Variants in GRID2IP observed in about 807,000 individuals in gnomAD.
The protein encoded by GRID2IP is Grid2 interacting protein, also known as delphilin.
GRID2IP carries 78 observed loss-of-function variants against 114.3 expected under a neutral mutation model. That is an observed-to-expected ratio of 0.68 (90% CI 0.57 to 0.82). The LOEUF (loss-of-function observed/expected upper bound fraction) is 0.82, where lower values mean the gene tolerates loss of function less well. Ranked by LOEUF, GRID2IP falls within the 40% of genes least tolerant of loss-of-function variation. The pLI is 0.00. For synonymous variants in GRID2IP, 809 were observed against 724.0 expected (o/e 1.12, Z -1.89); for missense variants, 1,727 against 1,678.5 (o/e 1.03, Z -0.51).
Position 6,499,287 on chromosome 7 carries a change from C to T in GRID2IP, c.3400-1059G>A, listed in dbSNP as rs529245947. ...TGTGGTAGAGGTTCTCATGACCCCT[C>T]TTTTTCCTGATGAGAAAACTGGGCT... On this transcript the variant is annotated intron_variant, in intron 20 of 21. Coordinates refer to ENST00000457091, the MANE Select transcript of GRID2IP (RefSeq NM_001145118.2). Among the ~76,000 whole-genome samples the T allele has an allele frequency of 2.6e-5, 4 of 152,174 alleles. No homozygotes were observed. The East Asian group carries it at 7.7e-4, about 29-fold the overall frequency.
chr7:6,503,660 C>A lies in GRID2IP; in HGVS notation c.2738G>T (p.Ser913Ile). ...CAGCACCTGGCGCAGCTCCGCGGGGCTCAGCTTCAGGTGTGCCAAGAGGAT... is the reference window on the plus strand; with the variant it reads ...CAGCACCTGGCGCAGCTCCGCGGGGATCAGCTTCAGGTGTGCCAAGAGGAT... ...TSILLAHLKL[S>I]PAELRQVLMS... The change falls in exon 16 of 22, where the codon AGC (serine) becomes ATC (isoleucine). Residue 913 changes from serine (S) to isoleucine (I), a missense_variant. Coordinates refer to ENST00000457091, the MANE Select transcript of GRID2IP (RefSeq NM_001145118.2). 2.0e-6 allele frequency: 3 copies of A among 1,513,920 alleles called. No individual in the cohort carries two copies. Among genetic ancestry groups the A allele is most frequent in the South Asian group, 1.2e-5 (1 of 81,850 alleles). The allele number at this position is 1,513,920 out of a possible 1,614,324, so 93.8% of individuals were successfully genotyped here. A position where few individuals can be genotyped will look rare whatever the true frequency, so the allele number is the denominator to read the frequency against.
rs1779369770 is a variant in GRID2IP at position 6,519,355 on chromosome 7, A to G, written c.1268+1223T>C. Among the ~76,000 whole-genome samples the G allele has an allele frequency of 3.3e-5, 5 of 152,210 alleles. No homozygotes were observed. Among genetic ancestry groups the G allele is most frequent in the Admixed American group, 3.3e-4 (5 of 15,262 alleles). On this transcript the variant is annotated intron_variant, in intron 7 of 21. Coordinates refer to ENST00000457091, the MANE Select transcript of GRID2IP (RefSeq NM_001145118.2). The surrounding 1 kb of genome is among the most constrained non-coding windows in gnomAD (Gnocchi z 4.1). The stretch of plus-strand genomic sequence containing the variant: ...ATCTTAAGACTCTTTAGAGCCAAGT[A>G]CAGTGGCTCATGCCTGTAACCGCAG...
intron 20 of GRID2IP, among the ~76,000 whole-genome samples, chr7:6,500,269 C>T (rs542996775): frequency 6.6e-6 from 1 of 152,006 alleles, no homozygotes; most frequent in African/African-American, 2.4e-5. Context: ...TGAGACCAGC[C>T]TGACTAACAT....
At chr7:6,545,834 G>C (rs975180362) in intron 1 of GRID2IP, among the ~76,000 whole-genome samples, 1 of 152,144 alleles carries the variant, frequency 6.6e-6, no homozygotes, top group Non-Finnish European at 1.5e-5. Context: ...CAGGCTGGCA[G>C]CACCAGCCGC....
chr7:6,521,978 T>G lies in GRID2IP; in HGVS notation c.920-21A>C. 6.5e-7 allele frequency: 1 copy of G among 1,546,490 alleles called. No homozygotes were observed. Among genetic ancestry groups the G allele is most frequent in the Non-Finnish European group, 8.8e-7 (1 of 1,142,722 alleles). On this transcript the variant is annotated intron_variant, in intron 4 of 21. Transcript: ENST00000457091. This position sits in a 1 kb window ranked among gnomAD's most constrained non-coding sequence, Gnocchi z 4.1. ...GCTCCCTGGAAGCAAGAAGAGAGGG[T>G]GTGCCGGTCAGCTGGGCAGGGTACC...
chr7:6,501,996 A>G lies in GRID2IP; in HGVS notation c.3273T>C (p.Ala1091=). ...TCCACCCACCCAGCATACCTTTGGC[A>G]GCCAGGGGCACGGTGGGCAGGTCCT... is the stretch of plus-strand genomic sequence containing the variant. ...FAQDLPTVPL[A]AKVNQRALTS... is the part of the protein sequence containing the mutation. Residue 1091 remains alanine (A), a synonymous_variant, in exon 19 of 22, where the codon GCT becomes GCC. Coordinates refer to ENST00000457091, the MANE Select transcript of GRID2IP (RefSeq NM_001145118.2). 6.4e-7 allele frequency: 1 copy of G among 1,551,334 alleles called. No individual in the cohort carries two copies. The highest frequency in any genetic ancestry group is 2.4e-5 in the East Asian group (1 of 40,902).
At chr7:6,524,186 G>A (rs955496122) in intron 4 of GRID2IP, among the ~76,000 whole-genome samples, 3 of 152,168 alleles carry the variant, frequency 2.0e-5, no homozygotes, top group African/African-American at 7.2e-5. Flanking sequence ...GCATCCATTT[G>A]GCTTCCTATG....
At chr7:6,511,611 G>C (rs1462661097) in intron 8 of GRID2IP, among the ~76,000 whole-genome samples, 1 of 152,128 alleles carries the variant, frequency 6.6e-6, no homozygotes, top group Non-Finnish European at 1.5e-5. Flanking sequence ...GACCTCAGGT[G>C]ATCCGCCTGC....
intron 1 of GRID2IP, 32 bp downstream of exon 1, chr7:6,550,976 T>TACCCCC: frequency 3.0e-6 from 3 of 1,015,786 alleles, no homozygotes; most frequent in Non-Finnish European, 3.7e-6. Context: ...GCCCCCTCCT[T>TACCCCC]CCCGCCCCCA....
At chr7:6,503,717 C>T in intron 15 of GRID2IP, 30 bp from the exon 16 acceptor site, 10 of 763,220 alleles carry the variant, frequency 1.3e-5, no homozygotes, top group Non-Finnish European at 1.8e-5. Flanking sequence ...GTGAGCTGGG[C>T]GGGGCCGGAG....
At chr7:6,511,374 G>T (rs1276826115) in intron 8 of GRID2IP, among the ~76,000 whole-genome samples, 1 of 148,206 alleles carries the variant, frequency 6.7e-6, no homozygotes, top group Non-Finnish European at 1.5e-5. Context: ...GGGCAAAATA[G>T]AAGTGTTTTT....
At chr7:6,505,775 A>C in intron 14 of GRID2IP, 45 bp downstream of exon 14, 1 of 1,263,800 alleles carries the variant, frequency 7.9e-7, no homozygotes, top group African/African-American at 1.5e-5. Flanking sequence ...GCTGCCACAG[A>C]TGGTGTGGTA....
chr7:6,502,920 C>A (rs1409253012), intron 17 of GRID2IP, 48 bp from the exon 18 acceptor site: 34 of 1,543,206 alleles, frequency 2.2e-5, no homozygotes, highest in Non-Finnish European at 2.9e-5. Context: ...CACCACCCAT[C>A]CACCCTGCTG....
At position 6,516,449 on chromosome 7, in the gene GRID2IP, G is replaced by A. The variant is rs1018917131; in HGVS notation, c.1269-1920C>T. Among the ~76,000 whole-genome samples the A allele has an allele frequency of 1.3e-5, 2 of 152,124 alleles. No individual in the cohort carries two copies. The highest frequency in any genetic ancestry group is 2.9e-5 in the Non-Finnish European group (2 of 67,990). On this transcript the variant is annotated intron_variant, in intron 7 of 21. Transcript: ENST00000457091. This position sits in a 1 kb window ranked among gnomAD's most constrained non-coding sequence, Gnocchi z 4.3. ...GAGATAGGAGCTGAAGGGACACGGTGAGAAGTGACCAAAAGACAAGAGTGT... is the reference window on the plus strand; with the variant it reads ...GAGATAGGAGCTGAAGGGACACGGTAAGAAGTGACCAAAAGACAAGAGTGT...
chr7:6,546,411 A>T (rs1562526575), intron 1 of GRID2IP, among the ~76,000 whole-genome samples: 1 of 151,318 alleles, frequency 6.6e-6, no homozygotes, highest in Non-Finnish European at 1.5e-5. Context: ...TACTAAAAAA[A>T]ATACAAAATT....
chr7:6,504,775 G>C lies in GRID2IP; in HGVS notation c.2710+18C>G. ...GCCGCCTGCCCCCTACACCCCCTGG[G>C]GTTCCCCGGACCCTCACAGGTGTTG... On this transcript the variant is annotated intron_variant, in intron 15 of 21. Coordinates refer to ENST00000457091, the MANE Select transcript of GRID2IP (RefSeq NM_001145118.2). 2 of 1,547,294 alleles carry C rather than the reference G, an allele frequency of 1.3e-6. No individual in the cohort carries two copies. The highest frequency in any genetic ancestry group is 2.4e-5 in the East Asian group (1 of 40,874).
intron 1 of GRID2IP, among the ~76,000 whole-genome samples, 167 bp from the exon 2 acceptor site, chr7:6,540,039 C>T (rs1562524890): frequency 5.1e-5 from 6 of 116,918 alleles, no homozygotes; most frequent in African/African-American, 3.5e-4. Context: ...CTTCCTTTCT[C>T]TTTCTCTCTT....
Position 6,511,026 on chromosome 7 carries a change from A to G in GRID2IP, c.1437T>C (p.Pro479=). ...TGGGCTCGGACTCCAGGTCCAGCTC[A>G]GGCTCCGGCTCTGCTGTGGGACATG... The part of the protein sequence containing the change: ...GYTAMTAEPE[P]ELDLESEPTP... The change falls in exon 9 of 22, where the codon CCT becomes CCC. Residue 479 remains proline, a synonymous_variant. Coordinates refer to ENST00000457091, the MANE Select transcript of GRID2IP (RefSeq NM_001145118.2). 2 of 1,468,554 alleles carry G rather than the reference A, an allele frequency of 1.4e-6. No homozygotes were observed. Among genetic ancestry groups the G allele is most frequent in the Non-Finnish European group, 1.8e-6 (2 of 1,108,162 alleles). 91.0% of individuals were successfully genotyped at this position (1,468,554 alleles called of 1,614,324 possible).
rs1779452787 is a variant in GRID2IP at position 6,523,574 on chromosome 7, T to G, written c.920-1617A>C. Among the ~76,000 whole-genome samples the G allele has an allele frequency of 1.3e-5, 2 of 152,036 alleles. No homozygotes were observed. Among genetic ancestry groups the G allele is most frequent in the Non-Finnish European group, 1.5e-5 (1 of 68,002 alleles). Reference sequence around the variant, plus strand: ...GGGAAGAACAGCAGACCTGGATTTTTTTTTCTTTTTTTGAGACAGGGTCTT... The same window carrying G: ...GGGAAGAACAGCAGACCTGGATTTTGTTTTCTTTTTTTGAGACAGGGTCTT... On this transcript the variant is annotated intron_variant, in intron 4 of 21. Coordinates refer to ENST00000457091, the MANE Select transcript of GRID2IP (RefSeq NM_001145118.2). The surrounding 1 kb of genome is among the most constrained non-coding windows in gnomAD (Gnocchi z 4.5).
Sources: gnomAD v4.1 joint callset for allele counts (sites outside exome capture counted in the v4.1 genomes callset) on GRCh38, gnomAD v4.1.1 for gene constraint, Gnocchi (gnomAD v3.1) non-coding constraint, MANE v1.5 for transcripts, NCBI Gene and HGNC (gene_info 2026-07-23, HGNC 2026-07-21) for gene names.